The following MX2 variants were observed in gnomAD, a reference collection of about 807,000 sequenced individuals.
MX2 encodes MX dynamin like GTPase 2.
In MX2, 51 loss-of-function variants were observed where a neutral mutation model predicts 74.0. The observed-to-expected ratio is 0.69, with a 90% CI of 0.55 to 0.87. MX2 has a LOEUF of 0.87. Ranked by LOEUF, MX2 falls within the 40% of genes least tolerant of loss-of-function variation. MX2 has a pLI of 0.00. For missense variants in MX2, 832 were observed against 908.7 expected, an observed-to-expected ratio of 0.92 and a Z score of 1.09; for synonymous variants, 369 against 339.3, an observed-to-expected ratio of 1.09 and a Z score of -0.96.
intron 1 of MX2, among the ~76,000 whole-genome samples, chr21:41,375,913 C>T (rs1384620947): frequency 2.0e-5 from 3 of 152,200 alleles, no homozygotes; most frequent in African/African-American, 7.2e-5. Flanking sequence ...TGAGTCCTGG[C>T]TTAGGCGTCA....
At position 41,402,238 on chromosome 21, in the gene MX2, C is replaced by G; in HGVS notation, c.1573+110C>G. ...GAGTTACCAAACCAGCCTGCAGACA[C>G]GCTCACTGGTGTGCTAGATTGCTAC... On this transcript the variant is annotated intron_variant, in intron 11 of 13. Transcript: ENST00000330714. The surrounding 1 kb of genome is among the most constrained non-coding windows in gnomAD (Gnocchi z 4.5). 2 of 1,269,204 alleles carry G rather than the reference C, an allele frequency of 1.6e-6. No individual in the cohort carries two copies. The highest frequency in any genetic ancestry group is 2.2e-6 in the Non-Finnish European group (2 of 922,902). The allele number at this position is 1,269,204 out of a possible 1,614,324, so 78.6% of individuals were successfully genotyped here.
At chr21:41,387,801 A>G (rs1199723045) in intron 5 of MX2, among the ~76,000 whole-genome samples, 1 of 152,144 alleles carries the variant, frequency 6.6e-6, no homozygotes, top group African/African-American at 2.4e-5. Flanking sequence ...ATCGGTACAC[A>G]AACTCAGTGG....
chr21:41,399,312 C>T lies in MX2; in HGVS notation c.1389C>T (p.Gly463=). The change falls in exon 10 of 14, where the codon GGC becomes GGT. Residue 463 remains glycine, a synonymous_variant. Coordinates refer to ENST00000330714, the MANE Select transcript of MX2 (RefSeq NM_002463.2). Reference sequence around the variant, plus strand: ...GAGAGGATTTTAAAAACTGGGTAGGCATACTTGCAACTAATACCCAAAAAG... The same window carrying T: ...GAGAGGATTTTAAAAACTGGGTAGGTATACTTGCAACTAATACCCAAAAAG... ...KIREDFKNWV[G]ILATNTQKVK... is the part of the protein sequence containing the mutation. 1 of 1,614,036 alleles carries T rather than the reference C, an allele frequency of 6.2e-7. No homozygotes were observed.
At chr21:41,399,386 A>G in intron 10 of MX2, 49 bp downstream of exon 10, 1 of 1,579,062 alleles carries the variant, frequency 6.3e-7, no homozygotes, top group Non-Finnish European at 8.6e-7. Flanking sequence ...ATTTACCCAG[A>G]CCAGAGGCTA....
At chr21:41,377,526 C>T (rs2145880504) in intron 2 of MX2, among the ~76,000 whole-genome samples, 1 of 152,310 alleles carries the variant, frequency 6.6e-6, no homozygotes, top group Non-Finnish European at 1.5e-5. Flanking sequence ...GAACTTCTTC[C>T]TGGCTCAGTG....
At position 41,399,291 on chromosome 21, in the gene MX2, G is replaced by A. The variant is rs775667517; in HGVS notation, c.1368G>A (p.Glu456=). The part of the protein sequence containing the change: ...NETRLYNKIR[E]DFKNWVGILA... ...CCCGTTTATACAACAAAATCAGAGA[G>A]GATTTTAAAAACTGGGTAGGCATAC... Residue 456 remains glutamate (E), a synonymous_variant, in exon 10 of 14, where the codon GAG becomes GAA. Coordinates refer to ENST00000330714, the MANE Select transcript of MX2 (RefSeq NM_002463.2). The A allele has an allele frequency of 1.2e-5, 20 of 1,613,976 alleles. 1 individual carries two copies. In the Middle Eastern group the frequency reaches 6.6e-4, roughly 53 times the overall value.
Position 41,364,130 on chromosome 21 carries a change from T to C in MX2, c.-72+2075T>C, listed in dbSNP as rs112667922. On this transcript the variant is annotated intron_variant, in intron 1 of 13. Coordinates refer to ENST00000330714, the MANE Select transcript of MX2 (RefSeq NM_002463.2). ...GGGAGTGTCAGTCATGAATTCACCA[T>C]GACTTCTGACCACCTCTGCCTGGAC... 3.3e-3 allele frequency: 511 copies of C among 153,722 alleles called. 4 individuals carry two copies. Among genetic ancestry groups the C allele is most frequent in the African/African-American group, 0.011 (460 of 41,624 alleles). The allele number at this position is 153,722 out of a possible 1,614,324, so 9.5% of individuals were successfully genotyped here.
chr21:41,402,295 A>G lies in MX2; in HGVS notation c.1573+167A>G. 1 of 767,814 alleles carries G rather than the reference A, an allele frequency of 1.3e-6. No individual in the cohort carries two copies. The highest frequency in any genetic ancestry group is 2.0e-6 in the Non-Finnish European group (1 of 507,374). 47.6% of individuals were successfully genotyped at this position (767,814 alleles called of 1,614,324 possible). The stretch of plus-strand genomic sequence containing the variant: ...TGGTCTGTGAGCCAGCAGCACTGGC[A>G]AGGCCTGAGAGCTGGTCAGAGCTAC... On this transcript the variant is annotated intron_variant, in intron 11 of 13. Coordinates refer to ENST00000330714, the MANE Select transcript of MX2 (RefSeq NM_002463.2). The surrounding 1 kb of genome is among the most constrained non-coding windows in gnomAD (Gnocchi z 4.5).
chr21:41,381,798 A>G (rs1340472087), intron 4 of MX2, among the ~76,000 whole-genome samples: 1 of 152,142 alleles, frequency 6.6e-6, no homozygotes, highest in Non-Finnish European at 1.5e-5. Flanking sequence ...AGTTGGTGCA[A>G]CCACTTTGGA....
Position 41,388,916 on chromosome 21 carries a change from T to C in MX2, c.733-1649T>C, listed in dbSNP as rs1217560641. ...TTGGATGCTACCGGTATCCAGTGGG[T>C]AAAGGCCACAGAGTCTGCTGGACAG... On this transcript the variant is annotated intron_variant, in intron 5 of 13. Transcript: ENST00000330714. This position sits in a 1 kb window ranked among gnomAD's most constrained non-coding sequence, Gnocchi z 4.0. Among the ~76,000 whole-genome samples, 1 of 152,042 alleles carries C rather than the reference T, an allele frequency of 6.6e-6. No homozygotes were observed. Among genetic ancestry groups the C allele is most frequent in the Non-Finnish European group, 1.5e-5 (1 of 68,008 alleles).
At chr21:41,381,025 T>C (rs1187834552) in intron 4 of MX2, among the ~76,000 whole-genome samples, 1 of 152,202 alleles carries the variant, frequency 6.6e-6, no homozygotes, top group African/African-American at 2.4e-5. Flanking sequence ...GCGGGGGCCC[T>C]TTAGACGACC....
rs759593399 is a variant in MX2 at position 41,407,008 on chromosome 21, C to T, written c.1905+10C>T. 23 of 1,608,358 alleles carry T rather than the reference C, an allele frequency of 1.4e-5. No individual in the cohort carries two copies. Among genetic ancestry groups the T allele is most frequent in the African/African-American group, 9.4e-5 (7 of 74,734 alleles). On this transcript the variant is annotated intron_variant, in intron 13 of 13. Coordinates refer to ENST00000330714, the MANE Select transcript of MX2 (RefSeq NM_002463.2). Reference sequence around the variant, plus strand: ...GAATGCCTACTTCTTGGTGAGTTCCCGGCGGGGCAGGAGCCGTGCTCTCTG... The same window carrying T: ...GAATGCCTACTTCTTGGTGAGTTCCTGGCGGGGCAGGAGCCGTGCTCTCTG...
rs2089608185 is a variant in MX2, at chr21:41,388,240, G to C, written c.733-2325G>C. Reference sequence around the variant, plus strand: ...ATGTCAATCAGTGTAAAATTCCAAGGTCCCATGTGATCCAATCCCCCTACT... The same window carrying C: ...ATGTCAATCAGTGTAAAATTCCAAGCTCCCATGTGATCCAATCCCCCTACT... On this transcript the variant is annotated intron_variant, in intron 5 of 13. Coordinates refer to ENST00000330714, the MANE Select transcript of MX2 (RefSeq NM_002463.2). This position sits in a 1 kb window ranked among gnomAD's most constrained non-coding sequence, Gnocchi z 4.0. Among the ~76,000 whole-genome samples, 1 of 152,092 alleles carries C rather than the reference G, an allele frequency of 6.6e-6. No homozygotes were observed. The highest frequency in any genetic ancestry group is 2.4e-5 in the African/African-American group (1 of 41,402).
At chr21:41,383,990 G>A (rs1176151368) in intron 5 of MX2, among the ~76,000 whole-genome samples, 2 of 152,156 alleles carry the variant, frequency 1.3e-5, no homozygotes, top group Non-Finnish European at 2.9e-5. Flanking sequence ...GGAGGGACCA[G>A]GTGGGAGGTG....
rs2145964855 is a variant in MX2, at chr21:41,402,388, C to T, written c.1573+260C>T. On this transcript the variant is annotated intron_variant, in intron 11 of 13. Coordinates refer to ENST00000330714, the MANE Select transcript of MX2 (RefSeq NM_002463.2). This position sits in a 1 kb window ranked among gnomAD's most constrained non-coding sequence, Gnocchi z 4.5. ...GGAGATGGGGAAGCACACTGAGTGC[C>T]ATAGGCGTTCCATCGCTGTCCTTCA... Among the ~76,000 whole-genome samples the T allele has an allele frequency of 6.6e-6, 1 of 152,352 alleles. No individual in the cohort carries two copies. The highest frequency in any genetic ancestry group is 2.4e-5 in the African/African-American group (1 of 41,582).
Position 41,408,233 on chromosome 21 carries a change from AAGGGCGGCG to A in MX2, c.*2_*10del, listed in dbSNP as rs1412853242. On this transcript the variant is annotated 3_prime_UTR_variant, in exon 14 of 14. Transcript: ENST00000330714. ...AATTCTCCAGCAAAGAGATCCACTG[AAGGGCGGCG>A]ATGCCTGTGGTTGTTTTCTTGTGCG... 6.2e-7 allele frequency: 1 copy of A among 1,613,496 alleles called. No homozygotes were observed. Among genetic ancestry groups the A allele is most frequent in the Admixed American group, 1.7e-5 (1 of 59,996 alleles).
chr21:41,379,362 C>T (rs2089457357), intron 3 of MX2, among the ~76,000 whole-genome samples: 1 of 152,184 alleles, frequency 6.6e-6, no homozygotes, highest in Non-Finnish European at 1.5e-5. Flanking sequence ...CGTGAGGGCC[C>T]CCACCCCAAG....
intron 1 of MX2, chr21:41,365,228 T>C (rs1045616933): frequency 3.3e-5 from 5 of 152,172 alleles, no homozygotes; most frequent in African/African-American, 1.2e-4. Context: ...TGTTTGTTTG[T>C]TTGTTTAACT....
rs184044762 is a variant in MX2, at chr21:41,388,075, C to A, written c.733-2490C>A. Among the ~76,000 whole-genome samples the A allele has an allele frequency of 1.6e-4, 25 of 152,280 alleles. No homozygotes were observed. Among genetic ancestry groups the A allele is most frequent in the Non-Finnish European group, 3.1e-4 (21 of 68,018 alleles). ...TGCTGCTATCCTGAACCTGGGTTAC[C>A]GCCTCTGCTGGCCTCCTGCTGGGTT... On this transcript the variant is annotated intron_variant, in intron 5 of 13. Coordinates refer to ENST00000330714, the MANE Select transcript of MX2 (RefSeq NM_002463.2). The surrounding 1 kb of genome is among the most constrained non-coding windows in gnomAD (Gnocchi z 4.0).
Sources: gnomAD v4.1 joint callset for allele counts (sites outside exome capture counted in the v4.1 genomes callset) on GRCh38, gnomAD v4.1.1 for gene constraint, Gnocchi (gnomAD v3.1) non-coding constraint, MANE v1.5 for transcripts, NCBI Gene and HGNC (gene_info 2026-07-23, HGNC 2026-07-21) for gene names.